ASTN1: variants seen among roughly 807,000 people sequenced by gnomAD.
The protein encoded by ASTN1 is astrotactin 1, also known as astrotactin-1.
ASTN1 carries 41 observed loss-of-function variants against 140.7 expected under a neutral mutation model. That is an observed-to-expected ratio of 0.29 (90% CI 0.23 to 0.38). The LOEUF is 0.38. Among genes scored for constraint, ASTN1 ranks in the 10% least tolerant of loss-of-function variants. The pLI is 1.00. For synonymous variants in ASTN1, 640 were observed against 652.2 expected (o/e 0.98, Z 0.29); for missense variants, 1,479 against 1,678.8 (o/e 0.88, Z 2.08).
intron 1 of ASTN1, among the ~76,000 whole-genome samples, chr1:177,162,835 G>T (rs1416534524): frequency 6.6e-6 from 1 of 152,110 alleles, no homozygotes; most frequent in Admixed American, 6.6e-5. Flanking sequence ...ATTTTGATGA[G>T]CGGCATATCC....
intron 8 of ASTN1, among the ~76,000 whole-genome samples, chr1:176,992,925 A>G (rs1674255439): frequency 1.3e-5 from 2 of 152,220 alleles, no homozygotes; most frequent in South Asian, 4.1e-4. Flanking sequence ...GCCTTTAAAA[A>G]TGTCATTATG....
At chr1:176,934,427 A>C (rs1314158005) in intron 15 of ASTN1, 87 bp from the exon 16 acceptor site, 1 of 1,354,250 alleles carries the variant, frequency 7.4e-7, no homozygotes, top group Non-Finnish European at 1.0e-6. Context: ...CAAACATGGA[A>C]GTGCCTGTGT....
At chr1:176,891,584 G>A (rs575682387) in intron 17 of ASTN1, among the ~76,000 whole-genome samples, 1 of 152,180 alleles carries the variant, frequency 6.6e-6, no homozygotes, top group African/African-American at 2.4e-5. Context: ...ACCTGAGGTC[G>A]GGAGTTCGAG....
chr1:176,932,645 C>CA (rs1671257332), intron 16 of ASTN1, among the ~76,000 whole-genome samples: 1 of 152,202 alleles, frequency 6.6e-6, no homozygotes. Flanking sequence ...TAGACTGTGG[C>CA]AAAACTAGCC....
chr1:176,894,032 G>A (rs1347778243), intron 17 of ASTN1, among the ~76,000 whole-genome samples: 5 of 152,232 alleles, frequency 3.3e-5, no homozygotes, highest in Non-Finnish European at 5.9e-5. Flanking sequence ...TGGATGTGGC[G>A]TTTTGTTCTT....
At chr1:176,879,996 C>T (rs568561516) in intron 20 of ASTN1, among the ~76,000 whole-genome samples, 18 of 152,328 alleles carry the variant, frequency 1.2e-4, no homozygotes, top group Non-Finnish European at 2.1e-4. Context: ...TTAGCGTTAT[C>T]GTTTCTACCA....
At chr1:176,888,318 GT>G in intron 17 of ASTN1, 114 bp from the exon 18 acceptor site, 1 of 1,238,688 alleles carries the variant, frequency 8.1e-7, no homozygotes, top group Non-Finnish European at 1.1e-6. Flanking sequence ...CCAGCAGCAG[GT>G]TGTGTCGCCA....
At chr1:177,037,157 A>T (rs1249440526) in intron 2 of ASTN1, among the ~76,000 whole-genome samples, 1 of 152,278 alleles carries the variant, frequency 6.6e-6, no homozygotes, top group East Asian at 1.9e-4. Context: ...TTTGCAGAGA[A>T]TTTTAAGCAG....
chr1:177,045,297 C>T (rs1180419467), intron 2 of ASTN1, among the ~76,000 whole-genome samples: 1 of 152,222 alleles, frequency 6.6e-6, no homozygotes, highest in African/African-American at 2.4e-5. Context: ...TCCACAGCCC[C>T]AGCCTTAGCA....
In ASTN1 at chr1:177,024,756, T is replaced by C. The variant is rs201908972; in HGVS notation, c.1121-24A>G. 1.5e-3 allele frequency: 2,469 copies of C among 1,602,754 alleles called. 18 individuals are homozygous for C. The highest frequency in any genetic ancestry group is 0.011 in the South Asian group (1,020 of 90,500). On this transcript the variant is annotated intron_variant, in intron 5 of 22. Transcript: ENST00000361833. The stretch of plus-strand genomic sequence containing the variant: ...CACTGAAAGTGAGACAAAAGCAAGA[T>C]ACATGGTGGTAAAAAGCTTGGCATT...
chr1:176,877,972 A>C (rs1256248377), intron 20 of ASTN1, among the ~76,000 whole-genome samples: 1 of 152,208 alleles, frequency 6.6e-6, no homozygotes, highest in Non-Finnish European at 1.5e-5. Context: ...CAGAGAAAAG[A>C]CAACCATGGC....
intron 22 of ASTN1, among the ~76,000 whole-genome samples, chr1:176,865,884 G>A (rs2103009298): frequency 6.6e-6 from 1 of 152,250 alleles, no homozygotes; most frequent in African/African-American, 2.4e-5. Flanking sequence ...GCTTTTGCAA[G>A]GAGACTCCCA....
chr1:176,940,594 T>A (rs1671674509), intron 14 of ASTN1, among the ~76,000 whole-genome samples: 1 of 152,216 alleles, frequency 6.6e-6, no homozygotes, highest in East Asian at 1.9e-4. Context: ...TCTGCCTGCC[T>A]TTGAGTCTCT....
At chr1:176,976,607 T>C (rs188935442) in intron 8 of ASTN1, 131 of 152,382 alleles carry the variant, frequency 8.6e-4, no homozygotes, top group African/African-American at 3.0e-3. Context: ...TTCATGCAAC[T>C]GATACAGCTA....
intron 1 of ASTN1, among the ~76,000 whole-genome samples, chr1:177,126,183 C>A (rs994605847): frequency 6.6e-6 from 1 of 152,166 alleles, no homozygotes; most frequent in Non-Finnish European, 1.5e-5. Context: ...ATTATCCTAT[C>A]AGATATATCT....
intron 1 of ASTN1, among the ~76,000 whole-genome samples, chr1:177,117,411 G>C (rs1379326687): frequency 6.6e-6 from 1 of 152,082 alleles, no homozygotes; most frequent in East Asian, 1.9e-4. Flanking sequence ...CCAAAGCCCT[G>C]GTAGAATCCC....
At chr1:176,907,355 T>G (rs1003469115) in intron 16 of ASTN1, among the ~76,000 whole-genome samples, 2 of 152,192 alleles carry the variant, frequency 1.3e-5, no homozygotes, top group African/African-American at 2.4e-5. Context: ...TCCTTAGGCA[T>G]TTAATATCAT....
At chr1:177,034,244 AACACACACACACACAC>A (rs5778922) in intron 2 of ASTN1, among the ~76,000 whole-genome samples, 17 of 143,304 alleles carry the variant, frequency 1.2e-4, no homozygotes, top group East Asian at 4.2e-4. Context: ...TGAGCAAAGG[AACACACACACACACAC>A]ACACACACAC....
chr1:176,931,214 C>A lies in ASTN1; in HGVS notation c.2671+2938G>T, dbSNP rs188218026. On this transcript the variant is annotated intron_variant, in intron 16 of 22. Transcript: ENST00000361833. The stretch of plus-strand genomic sequence containing the variant: ...GGGCACGGTGGCTCACGCCTGTAAT[C>A]CCAGCACTTTGGGAGGCTGAGGTGG... Among the ~76,000 whole-genome samples, 82 of 152,290 alleles carry A rather than the reference C, an allele frequency of 5.4e-4. 1 individual carries two copies. The East Asian group carries it at 0.016, about 29-fold the overall frequency.
Sources: allele counts gnomAD v4.1 joint callset (sites outside exome capture counted in the v4.1 genomes callset), GRCh38; gene constraint gnomAD v4.1.1; transcripts MANE v1.5; gene names NCBI Gene and HGNC (gene_info 2026-07-23, HGNC 2026-07-21).